BLTP2: variants seen among roughly 807,000 people sequenced by gnomAD.
BLTP2 encodes the protein bridge-like lipid transfer protein family member 2.
the BLTP2 span, chr17:28,633,032 G>A: frequency 6.3e-7 from 1 of 1,583,714 alleles, no homozygotes; most frequent in South Asian, 1.2e-5. Flanking sequence ...TGGCCCAAGG[G>A]CACCTCAGGC....
the BLTP2 span, among the ~76,000 whole-genome samples, chr17:28,627,628 C>T: frequency 8.5e-5 from 13 of 152,142 alleles, no homozygotes; most frequent in South Asian, 1.5e-3. Context: ...AGGATAGTCT[C>T]GATCTCCTGA....
chr17:28,636,932 C>A, the BLTP2 span: 10 of 1,581,040 alleles, frequency 6.3e-6, no homozygotes, highest in Non-Finnish European at 8.7e-6. Context: ...AGGAAAAAAC[C>A]AGCCTGGCCC....
the BLTP2 span, chr17:28,617,025 C>T: frequency 6.5e-7 from 1 of 1,544,830 alleles, no homozygotes; most frequent in Non-Finnish European, 8.9e-7. Context: ...TAAAGAAGAG[C>T]CCAACCCAAT....
chr17:28,638,287 C>T, the BLTP2 span: 8 of 1,613,002 alleles, frequency 5.0e-6, no homozygotes, highest in Non-Finnish European at 6.8e-6. Context: ...AGTGCCTCAC[C>T]CCAAACATGC....
the BLTP2 span, chr17:28,643,078 T>C: frequency 6.4e-7 from 1 of 1,570,270 alleles, no homozygotes; most frequent in East Asian, 2.2e-5. Flanking sequence ...CTTAGCATTA[T>C]GCCCTAAAAA....
chr17:28,635,469 T>C, the BLTP2 span: 9 of 1,614,154 alleles, frequency 5.6e-6, no homozygotes, highest in Non-Finnish European at 7.6e-6. Flanking sequence ...CTGAAGTCTC[T>C]AGTGCAAGGG....
the BLTP2 span, chr17:28,634,937 C>G: frequency 6.2e-7 from 1 of 1,613,916 alleles, no homozygotes; most frequent in Non-Finnish European, 8.5e-7. Context: ...TCAAAAACAT[C>G]ATCCAAGAAA....
the BLTP2 span, chr17:28,635,073 T>G: frequency 2.5e-6 from 4 of 1,613,150 alleles, no homozygotes; most frequent in Non-Finnish European, 3.4e-6. Flanking sequence ...CAGCCTCATC[T>G]AGAGTTCGAG....
At chr17:28,624,435 G>C in the BLTP2 span, 1 of 1,571,916 alleles carries the variant, frequency 6.4e-7, no homozygotes, top group Non-Finnish European at 8.7e-7. Flanking sequence ...GTCTCAAAGG[G>C]AAAGACTTTT....
At chr17:28,633,333 A>G in the BLTP2 span, 2 of 1,613,956 alleles carry the variant, frequency 1.2e-6, no homozygotes, top group Non-Finnish European at 8.5e-7. Context: ...ACACAAACTG[A>G]CCAGGTTTCC....
the BLTP2 span, chr17:28,636,883 A>C: frequency 8.9e-7 from 1 of 1,128,474 alleles, no homozygotes; most frequent in Non-Finnish European, 1.3e-6. Context: ...GGAAAAGACA[A>C]GAAAAAAAAA....
At chr17:28,643,022 T>C in the BLTP2 span, 2 of 1,518,392 alleles carry the variant, frequency 1.3e-6, no homozygotes, top group Non-Finnish European at 1.8e-6. Flanking sequence ...CAATAATTAA[T>C]GTTAAGGAAC....
the BLTP2 span, chr17:28,633,151 C>T: frequency 6.3e-7 from 1 of 1,579,378 alleles, no homozygotes; most frequent in Middle Eastern, 1.7e-4. Context: ...AAGGAAGCAG[C>T]AGTCGTCATA....
At chr17:28,634,160 A>G in the BLTP2 span, 13 of 1,289,354 alleles carry the variant, frequency 1.0e-5, no homozygotes, top group Non-Finnish European at 9.8e-6. Context: ...CTTTTTCCTC[A>G]CCACTATTTT....
the BLTP2 span, chr17:28,638,471 C>A: frequency 6.3e-7 from 1 of 1,598,548 alleles, no homozygotes; most frequent in Non-Finnish European, 8.6e-7. Flanking sequence ...ATCAATTGGG[C>A]CTAGCTCCAC....
chr17:28,619,004 G>C, the BLTP2 span: 1 of 1,586,178 alleles, frequency 6.3e-7, no homozygotes, highest in African/African-American at 1.3e-5. Context: ...AAGCCAGTAA[G>C]GGAAACAGCA....
At chr17:28,624,476 A>G in the BLTP2 span, 2 of 1,214,532 alleles carry the variant, frequency 1.6e-6, no homozygotes, top group Non-Finnish European at 2.3e-6. Context: ...ATCTTCCCTC[A>G]ATTTATCTGG....
chr17:28,634,517 C>T, the BLTP2 span: 1 of 1,610,456 alleles, frequency 6.2e-7, no homozygotes. Flanking sequence ...CACTACTTAC[C>T]CAGAAAGCTC....
chr17:28,633,732 T>G, the BLTP2 span: 4 of 1,613,892 alleles, frequency 2.5e-6, no homozygotes, highest in Non-Finnish European at 3.4e-6. Context: ...CCCACACCAC[T>G]GTGTACTGGA....
Sources: allele counts gnomAD v4.1 joint callset (sites outside exome capture counted in the v4.1 genomes callset), GRCh38; gene constraint gnomAD v4.1.1; transcripts MANE v1.5; gene names NCBI Gene and HGNC (gene_info 2026-07-23, HGNC 2026-07-21).